Variants in TEKTL1 observed in about 807,000 individuals in gnomAD.
TEKTL1 encodes the protein tektin like 1, also known as tektin-like protein 1.
chr19:15,022,746 T>C, the TEKTL1 span: 1 of 793,696 alleles, frequency 1.3e-6, no homozygotes, highest in Non-Finnish European at 1.8e-6. Context: ...CAGGCACACC[T>C]GGCCCATTCA....
chr19:15,010,760 G>A, the TEKTL1 span: 11 of 1,447,826 alleles, frequency 7.6e-6, no homozygotes, highest in Non-Finnish European at 9.1e-6. Flanking sequence ...AAAGAGTTGT[G>A]TGTCTTTGGG....
At chr19:15,011,326 A>G in the TEKTL1 span, 1 of 1,514,296 alleles carries the variant, frequency 6.6e-7, no homozygotes, top group Non-Finnish European at 8.8e-7. Context: ...GGCTCAGCGA[A>G]GTGCGCAAGG....
chr19:15,016,429 C>CT, the TEKTL1 span, among the ~76,000 whole-genome samples: 7 of 151,684 alleles, frequency 4.6e-5, no homozygotes, highest in African/African-American at 1.7e-4. Flanking sequence ...ACCTCGTGAC[C>CT]ACCTGCCTCG....
the TEKTL1 span, among the ~76,000 whole-genome samples, chr19:15,018,170 T>C: frequency 1.3e-3 from 192 of 152,102 alleles, 3 homozygotes; most frequent in South Asian, 0.012. Flanking sequence ...CTGGCCAACA[T>C]AGCAAAATCC....
At chr19:15,014,722 GT>G in the TEKTL1 span, among the ~76,000 whole-genome samples, 6,732 of 114,240 alleles carry the variant, frequency 0.059, 358 homozygotes, top group African/African-American at 0.072. Flanking sequence ...AGGAGACTCA[GT>G]GGGGGGGCGG....
At chr19:15,021,916 A>G in the TEKTL1 span, 1 of 1,612,614 alleles carries the variant, frequency 6.2e-7, no homozygotes, top group Non-Finnish European at 8.5e-7. Context: ...CGCGCCTCGC[A>G]CAGGTAAACC....
the TEKTL1 span, among the ~76,000 whole-genome samples, chr19:15,017,374 G>GTA: frequency 6.6e-6 from 1 of 152,062 alleles, no homozygotes; most frequent in Non-Finnish European, 1.5e-5. Flanking sequence ...TTATAAGGGT[G>GTA]TATATATGTG....
At chr19:15,013,948 T>C in the TEKTL1 span, among the ~76,000 whole-genome samples, 1 of 152,156 alleles carries the variant, frequency 6.6e-6, no homozygotes, top group Non-Finnish European at 1.5e-5. Flanking sequence ...TCATGGGAGA[T>C]GACGTTGGGT....
chr19:15,018,732 A>ATATATATATATATATATATATATATATT, the TEKTL1 span, among the ~76,000 whole-genome samples: 67 of 78,608 alleles, frequency 8.5e-4, 9 homozygotes, highest in Non-Finnish European at 9.9e-4. Context: ...ATATATATAT[A>ATATATATATATATATATATATATATATT]ACTTCCCTGG....
the TEKTL1 span, chr19:15,023,107 C>G: frequency 6.2e-7 from 1 of 1,604,478 alleles, no homozygotes; most frequent in Non-Finnish European, 8.5e-7. Context: ...GCAAGAGCAG[C>G]GCGGACCCCT....
At chr19:15,014,658 T>A in the TEKTL1 span, among the ~76,000 whole-genome samples, 1 of 115,970 alleles carries the variant, frequency 8.6e-6, no homozygotes, top group Admixed American at 1.1e-4. Flanking sequence ...GACTGGGGAG[T>A]GGGGAGGAGG....
chr19:15,011,763 G>C, the TEKTL1 span, among the ~76,000 whole-genome samples: 7,622 of 147,000 alleles, frequency 0.052, 328 homozygotes, highest in African/African-American at 0.12. Flanking sequence ...TATTTCCATA[G>C]AGAGAACACC....
At chr19:15,014,992 G>A in the TEKTL1 span, among the ~76,000 whole-genome samples, 1 of 152,136 alleles carries the variant, frequency 6.6e-6, no homozygotes, top group South Asian at 2.1e-4. Flanking sequence ...TTCAAGACCA[G>A]TCTGAGCAAC....
chr19:15,020,131 G>A, the TEKTL1 span, among the ~76,000 whole-genome samples: 1 of 151,564 alleles, frequency 6.6e-6, no homozygotes, highest in Non-Finnish European at 1.5e-5. Context: ...AACATAGTCA[G>A]ACCCCTTCTT....
the TEKTL1 span, chr19:15,021,438 C>A: frequency 2.5e-6 from 4 of 1,614,222 alleles, no homozygotes; most frequent in Non-Finnish European, 3.4e-6. Context: ...ACGAGGTGGA[C>A]GTCCGGGAGC....
the TEKTL1 span, among the ~76,000 whole-genome samples, chr19:15,014,737 GC>G: frequency 3.6e-4 from 41 of 114,900 alleles, 2 homozygotes; most frequent in African/African-American, 1.3e-3. Context: ...GGGGCGGGGG[GC>G]GGGGGCTGCT....
At chr19:15,015,709 T>TGAAG in the TEKTL1 span, among the ~76,000 whole-genome samples, 16,593 of 152,014 alleles carry the variant, frequency 0.11, 1,182 homozygotes, top group Middle Eastern at 0.19. Context: ...TATAAATGAA[T>TGAAG]GAAGGAAGGA....
At chr19:15,018,156 C>A in the TEKTL1 span, among the ~76,000 whole-genome samples, 1 of 151,994 alleles carries the variant, frequency 6.6e-6, no homozygotes, top group South Asian at 2.1e-4. Context: ...AGTTTCAGAC[C>A]AGCCTGGCCA....
the TEKTL1 span, among the ~76,000 whole-genome samples, chr19:15,019,363 G>T: frequency 1.3e-5 from 2 of 152,142 alleles, no homozygotes; most frequent in East Asian, 3.8e-4. Flanking sequence ...GGAAAATTAA[G>T]TGGAAAAGAA....
Sources: gnomAD v4.1 joint callset for allele counts (sites outside exome capture counted in the v4.1 genomes callset) on GRCh38, gnomAD v4.1.1 for gene constraint, MANE v1.5 for transcripts, NCBI Gene and HGNC (gene_info 2026-07-23, HGNC 2026-07-21) for gene names.